Variants in ADGRL2 observed in about 807,000 individuals in gnomAD.
ADGRL2 encodes the protein calcium-independent alpha-latrotoxin receptor 2.
In ADGRL2, 44 loss-of-function variants were observed where a neutral mutation model predicts 157.4. That is an observed-to-expected ratio of 0.28 (90% CI 0.22 to 0.36). The LOEUF (loss-of-function observed/expected upper bound fraction) is 0.36, where lower values mean the gene tolerates loss of function less well. Ranked by LOEUF, ADGRL2 falls within the 10% of genes least tolerant of loss-of-function variation. The pLI is 1.00. For synonymous variants in ADGRL2, 585 were observed against 624.7 expected, an observed-to-expected ratio of 0.94 and a Z score of 0.95; for missense variants, 1,510 against 1,768.9, an observed-to-expected ratio of 0.85 and a Z score of 2.63.
rs376151440 is a variant in ADGRL2, at chr1:81,307,255, G to C, written c.-302+746G>C. 1.9e-3 allele frequency among the ~76,000 whole-genome samples: 282 copies of C among 152,290 alleles called. 5 individuals carry two copies. In the South Asian group the frequency reaches 0.051, roughly 28 times the overall value. On this transcript the variant is annotated intron_variant, in intron 1 of 24. Transcript: ENST00000370721. ...AATGATTTCAATAGCCAAATGATTA[G>C]GTTTGGATTAAAAATGCATGTAAGA...
intron 1 of ADGRL2, among the ~76,000 whole-genome samples, chr1:81,817,716 T>C (rs2090552205): frequency 6.6e-6 from 1 of 152,064 alleles, no homozygotes; most frequent in African/African-American, 2.4e-5. Flanking sequence ...AAATCTTGAT[T>C]TTTTGGCGGC....
chr1:81,337,282 G>A (rs1264766872), intron 1 of ADGRL2, among the ~76,000 whole-genome samples: 1 of 152,172 alleles, frequency 6.6e-6, no homozygotes, highest in African/African-American at 2.4e-5. Context: ...AGACATTCAC[G>A]GATGACAAAG....
At chr1:81,378,758 T>C (rs1186929551) in intron 1 of ADGRL2, among the ~76,000 whole-genome samples, 2 of 152,084 alleles carry the variant, frequency 1.3e-5, no homozygotes, top group Admixed American at 6.6e-5. Flanking sequence ...GCCCAGGACA[T>C]AGTACTCCAT....
intron 1 of ADGRL2, among the ~76,000 whole-genome samples, chr1:81,320,534 A>G (rs1181257783): frequency 6.6e-6 from 1 of 152,232 alleles, no homozygotes; most frequent in Non-Finnish European, 1.5e-5. Flanking sequence ...TCCTTGATTT[A>G]TAGGCTGAAG....
At chr1:81,397,298 T>G (rs372963932) in intron 1 of ADGRL2, among the ~76,000 whole-genome samples, 1 of 150,274 alleles carries the variant, frequency 6.7e-6, no homozygotes, top group Non-Finnish European at 1.5e-5. Flanking sequence ...TCTGTGGTAT[T>G]AGTTATAATG....
chr1:81,827,520 G>A (rs1446608871), intron 1 of ADGRL2, among the ~76,000 whole-genome samples: 1 of 152,072 alleles, frequency 6.6e-6, no homozygotes, highest in African/African-American at 2.4e-5. Flanking sequence ...ATTTCTCCCC[G>A]AACACTCTAA....
chr1:81,825,290 A>G (rs2149962670), intron 1 of ADGRL2, among the ~76,000 whole-genome samples: 1 of 152,246 alleles, frequency 6.6e-6, no homozygotes, highest in East Asian at 1.9e-4. Context: ...TTGAGTCAAG[A>G]GTTTAAGGCT....
intron 2 of ADGRL2, among the ~76,000 whole-genome samples, chr1:81,488,253 C>G (rs373630092): frequency 1.3e-5 from 2 of 152,062 alleles, no homozygotes; most frequent in East Asian, 3.9e-4. Flanking sequence ...CCTGAAAAGA[C>G]CTTAAATTTA....
At chr1:81,343,082 TTTTTC>T (rs1182701985) in intron 1 of ADGRL2, among the ~76,000 whole-genome samples, 2 of 118,102 alleles carry the variant, frequency 1.7e-5, no homozygotes, top group African/African-American at 7.1e-5. Context: ...CTTTTTTTCT[TTTTTC>T]TTTTCTTTTT....
At chr1:81,798,508 C>G (rs2087706084), upstream of ADGRL2, among the ~76,000 whole-genome samples, 1 of 152,046 alleles carries the variant, frequency 6.6e-6, no homozygotes, top group Admixed American at 6.5e-5. Context: ...GTGTGGAACT[C>G]TTTGAACTCT....
At chr1:81,624,310 G>T (rs186095340) in intron 3 of ADGRL2, among the ~76,000 whole-genome samples, 1 of 152,286 alleles carries the variant, frequency 6.6e-6, no homozygotes, top group African/African-American at 2.4e-5. Flanking sequence ...GCCGGGTGCG[G>T]TGGCTCACGC....
At chr1:81,335,845 A>C (rs1050118806) in intron 1 of ADGRL2, among the ~76,000 whole-genome samples, 4 of 151,726 alleles carry the variant, frequency 2.6e-5, no homozygotes, top group African/African-American at 9.7e-5. Context: ...AAAAAAAAAA[A>C]AAACAAAAAA....
At chr1:81,970,249 A>G (rs756934352) in intron 15 of ADGRL2, 65 bp from the exon 16 acceptor site, 2 of 1,051,342 alleles carry the variant, frequency 1.9e-6, no homozygotes, top group South Asian at 1.3e-5. Flanking sequence ...GTATTTTATA[A>G]TTTTGGAGTG....
chr1:81,584,819 C>T (rs557899663), intron 3 of ADGRL2, among the ~76,000 whole-genome samples: 3 of 152,152 alleles, frequency 2.0e-5, no homozygotes, highest in Non-Finnish European at 2.9e-5. Flanking sequence ...AAGATTTTCC[C>T]GAGGAAATGT....
At chr1:81,855,174 C>T (rs795348) in intron 2 of ADGRL2, among the ~76,000 whole-genome samples, 19,329 of 152,124 alleles carry the variant, frequency 0.13, 1,308 homozygotes, top group Admixed American at 0.21. Flanking sequence ...CACAGTGGCT[C>T]GTGCCTGTAA....
chr1:81,711,021 G>A (rs975774418), intron 1 of ADGRL2, among the ~76,000 whole-genome samples: 1 of 152,064 alleles, frequency 6.6e-6, no homozygotes, highest in Non-Finnish European at 1.5e-5. Context: ...GGAAAGTATT[G>A]TTTCACTGAG....
At chr1:81,751,115 T>C (rs1429942823) in intron 1 of ADGRL2, among the ~76,000 whole-genome samples, 1 of 152,180 alleles carries the variant, frequency 6.6e-6, no homozygotes, top group Non-Finnish European at 1.5e-5. Context: ...CAAAGAAAGA[T>C]GTCAGACAGA....
intron 3 of ADGRL2, among the ~76,000 whole-genome samples, chr1:81,599,283 A>C (rs2081293014): frequency 1.3e-5 from 2 of 152,118 alleles, no homozygotes; most frequent in African/African-American, 4.8e-5. Flanking sequence ...GCCTTAGTAC[A>C]CTCATCCATT....
chr1:81,431,224 G>A (rs2077314322), intron 1 of ADGRL2, among the ~76,000 whole-genome samples: 1 of 152,094 alleles, frequency 6.6e-6, no homozygotes, highest in South Asian at 2.1e-4. Context: ...TGGGGAGTTG[G>A]GAGCTGCTTT....
Sources: gnomAD v4.1 joint callset for allele counts (sites outside exome capture counted in the v4.1 genomes callset) on GRCh38, gnomAD v4.1.1 for gene constraint, MANE v1.5 for transcripts, NCBI Gene and HGNC (gene_info 2026-07-23, HGNC 2026-07-21) for gene names.